AKAP9: variants seen among roughly 807,000 people sequenced by gnomAD.
AKAP9 encodes the protein A-kinase anchoring protein 9, also known as A-kinase anchor protein 9.
A neutral mutation model predicts 488.5 loss-of-function variants in AKAP9; 311 were observed. The ratio of observed to expected loss-of-function variants is 0.64; its 90% CI spans 0.58 to 0.70. AKAP9 has a LOEUF of 0.70. Ranked by LOEUF, AKAP9 falls within the 30% of genes least tolerant of loss-of-function variation. The pLI is 0.00. For missense variants in AKAP9, 4,215 were observed against 4,374.5 expected (o/e 0.96, Z 1.03); for synonymous variants, 1,462 against 1,483.5 (o/e 0.99, Z 0.33).
At chr7:91,979,369 G>A (rs372573586) in intron 2 of AKAP9, among the ~76,000 whole-genome samples, 8 of 152,036 alleles carry the variant, frequency 5.3e-5, no homozygotes, top group South Asian at 2.1e-4. Context: ...ATCATATCTC[G>A]TGAGACTTAC....
intron 21 of AKAP9, among the ~76,000 whole-genome samples, chr7:92,045,696 T>G (rs1158072515): frequency 6.6e-6 from 1 of 152,192 alleles, no homozygotes; most frequent in Non-Finnish European, 1.5e-5. Context: ...GCTAGATTCT[T>G]TCTTCCTTTT....
chr7:92,097,393 A>G, intron 41 of AKAP9, 36 bp downstream of exon 41: 1 of 1,602,940 alleles, frequency 6.2e-7, no homozygotes, highest in Non-Finnish European at 8.5e-7. Context: ...ATTTTTAAGG[A>G]AAGCACTGCA....
At chr7:92,065,544 T>G (rs1810635537) in intron 25 of AKAP9, 81 bp downstream of exon 25, 9 of 1,006,910 alleles carry the variant, frequency 8.9e-6, no homozygotes, top group South Asian at 7.4e-5. Context: ...TTTTAAATTA[T>G]GAAAAGACTG....
At chr7:92,066,575 T>TA (rs760278306) in intron 26 of AKAP9, 29 bp downstream of exon 26, 17 of 1,611,888 alleles carry the variant, frequency 1.1e-5, no homozygotes, top group Non-Finnish European at 1.4e-5. Context: ...TTGCCCAACT[T>TA]ACAGTAATTT....
At chr7:92,006,554 TC>T (rs886157318) in intron 8 of AKAP9, among the ~76,000 whole-genome samples, 5 of 152,176 alleles carry the variant, frequency 3.3e-5, no homozygotes, top group African/African-American at 1.2e-4. Flanking sequence ...CCTGTAAACT[TC>T]CTGCCCGTTC....
At chr7:92,026,390 A>G (rs1187956611) in intron 14 of AKAP9, among the ~76,000 whole-genome samples, 3 of 151,938 alleles carry the variant, frequency 2.0e-5, no homozygotes, top group African/African-American at 7.3e-5. Flanking sequence ...GCTGGACTGT[A>G]CTGCCGTGAT....
At chr7:92,103,940 T>G (rs1818071214) in intron 46 of AKAP9, among the ~76,000 whole-genome samples, 2 of 152,048 alleles carry the variant, frequency 1.3e-5, no homozygotes, top group Non-Finnish European at 2.9e-5. Context: ...CTTTTATTGT[T>G]CTTTCTCTAG....
At chr7:92,055,149 A>G (rs1808565187) in intron 22 of AKAP9, among the ~76,000 whole-genome samples, 1 of 152,048 alleles carries the variant, frequency 6.6e-6, no homozygotes, top group Non-Finnish European at 1.5e-5. Context: ...AATTATTTTT[A>G]CTGTAAGAAA....
At chr7:92,109,059 A>AT in intron 49 of AKAP9, 1 of 282,706 alleles carries the variant, frequency 3.5e-6, no homozygotes. Flanking sequence ...GAAAAAAAAA[A>AT]AAAAAAGAAA....
Position 92,083,252 on chromosome 7 carries a change from C to T in AKAP9, c.8243C>T (p.Ser2748Phe), listed in dbSNP as rs866236214. 6.2e-7 allele frequency: 1 copy of T among 1,613,920 alleles called. No individual in the cohort carries two copies. Among genetic ancestry groups the T allele is most frequent in the Non-Finnish European group, 8.5e-7 (1 of 1,180,014 alleles). ...DHLAEAKEKL[S>F]ILEKEDETEV... ...CTCGCAGAGGCAAAAGAGAAATTGT[C>T]CATTTTAGAAAAAGAAGATGAGACT... The change falls in exon 33 of 50, where the codon TCC becomes TTC. Residue 2748 changes from serine to phenylalanine, a missense_variant. This residue lies in a region of AKAP9 where 1,476 missense variants were observed against 1,477.4 expected (regional missense o/e 1.00). Transcript: ENST00000356239.
intron 37 of AKAP9, 38 bp downstream of exon 37, chr7:92,086,454 A>C: frequency 2.0e-6 from 3 of 1,491,832 alleles, no homozygotes; most frequent in Non-Finnish European, 2.8e-6. Flanking sequence ...CTTTAATAGA[A>C]ATAAGGAAAT....
At chr7:92,008,473 G>A (rs1301318996) in intron 8 of AKAP9, among the ~76,000 whole-genome samples, 2 of 152,042 alleles carry the variant, frequency 1.3e-5, no homozygotes, top group Non-Finnish European at 2.9e-5. Flanking sequence ...GGATCACGAG[G>A]CCAGGAGATC....
intron 16 of AKAP9, 82 bp downstream of exon 16, chr7:92,031,686 G>A (rs1804265669): frequency 9.2e-7 from 1 of 1,087,174 alleles, no homozygotes; most frequent in African/African-American, 1.5e-5. Flanking sequence ...TTTATCGATG[G>A]TATGTACTTT....
rs1183255709 is a variant in AKAP9, at chr7:92,065,477, A to T, written c.6210+14A>T. 1 of 1,541,996 alleles carries T rather than the reference A, an allele frequency of 6.5e-7. No homozygotes were observed. Among genetic ancestry groups the T allele is most frequent in the East Asian group, 2.3e-5 (1 of 44,114 alleles). On this transcript the variant is annotated intron_variant, in intron 25 of 49. Transcript: ENST00000356239. ...AAATTTTTAGATGTAAGTATTCTCA[A>T]GTTGAATACTGATTTTTCTCAGTGG...
At chr7:92,022,486 C>A (rs1802459891) in intron 13 of AKAP9, 134 bp downstream of exon 13, 1 of 686,556 alleles carries the variant, frequency 1.5e-6, no homozygotes, top group Admixed American at 2.4e-5. Flanking sequence ...TCAATTTTTT[C>A]ATCCTTAAAA....
chr7:92,087,637 T>C (rs10234290), intron 37 of AKAP9, among the ~76,000 whole-genome samples: 60,618 of 151,484 alleles, frequency 0.4, 12,422 homozygotes, highest in African/African-American at 0.46. Context: ...GGACTTCTTG[T>C]AGAACTGATG....
rs1806713586 is a variant in AKAP9 at position 92,044,892 on chromosome 7, G to A, written c.5163-116G>A. 1.8e-5 allele frequency: 14 copies of A among 772,188 alleles called. No individual in the cohort carries two copies. In the South Asian group the frequency reaches 2.2e-4, roughly 12 times the overall value. The allele number at this position is 772,188 out of a possible 1,614,324, so 47.8% of individuals were successfully genotyped here. A position where few individuals can be genotyped will look rare whatever the true frequency, so the allele number is the denominator to read the frequency against. On this transcript the variant is annotated intron_variant, in intron 20 of 49. Coordinates refer to ENST00000356239, the MANE Select transcript of AKAP9 (RefSeq NM_005751.5). The stretch of plus-strand genomic sequence containing the variant: ...TGCTATTGGGTATTTTAATAAAAAG[G>A]ATCATCTGTTATTTTTCAAATCAAA...
At position 91,971,092 on chromosome 7, in the gene AKAP9, A is replaced by T. The variant is rs142637493; in HGVS notation, c.49-2619A>T. Among the ~76,000 whole-genome samples the T allele has an allele frequency of 6.7e-3, 1,015 of 152,214 alleles. 8 individuals carry two copies. Among genetic ancestry groups the T allele is most frequent in the Non-Finnish European group, 0.01 (681 of 68,006 alleles). ...AACAAGCCAGACAGTGAAGACTAGA[A>T]CTCCCTTTTGAACACTGATAATTCT... On this transcript the variant is annotated intron_variant, in intron 1 of 49. Coordinates refer to ENST00000356239, the MANE Select transcript of AKAP9 (RefSeq NM_005751.5).
chr7:92,068,659 C>T (rs757273693), intron 26 of AKAP9, among the ~76,000 whole-genome samples: 11 of 151,534 alleles, frequency 7.3e-5, no homozygotes, highest in Non-Finnish European at 1.5e-4. Flanking sequence ...TTTTTCTTAA[C>T]CTTACTCCAA....
Sources: gnomAD v4.1 joint callset for allele counts (sites outside exome capture counted in the v4.1 genomes callset) on GRCh38, gnomAD v4.1.1 for gene constraint, gnomAD v4.1.1 regional missense constraint, MANE v1.5 for transcripts, NCBI Gene and HGNC (gene_info 2026-07-23, HGNC 2026-07-21) for gene names.